TENM3: variants seen among roughly 807,000 people sequenced by gnomAD.
TENM3 encodes teneurin transmembrane protein 3, also known as teneurin-3.
TENM3 carries 63 observed loss-of-function variants against 255.1 expected under a neutral mutation model. That is an observed-to-expected ratio of 0.25 (90% CI 0.20 to 0.30). The LOEUF (loss-of-function observed/expected upper bound fraction) is 0.30, where lower values mean the gene tolerates loss of function less well. TENM3 is among the 10% of genes least tolerant of loss of function. The pLI is 1.00. For synonymous variants in TENM3, 1,306 were observed against 1,322.3 expected, an observed-to-expected ratio of 0.99 and a Z score of 0.27; for missense variants, 2,929 against 3,461.1, an observed-to-expected ratio of 0.85 and a Z score of 3.86.
the TENM3 span, among the ~76,000 whole-genome samples, chr4:181,677,337 G>C: frequency 1.4e-4 from 22 of 152,174 alleles, no homozygotes; most frequent in Non-Finnish European, 2.5e-4. Flanking sequence ...TTTAGAGTTC[G>C]TTGGTCTTCC....
the TENM3 span, among the ~76,000 whole-genome samples, chr4:181,583,399 G>C: frequency 9.8e-6 from 1 of 101,938 alleles, no homozygotes; most frequent in Non-Finnish European, 2.3e-5. Flanking sequence ...GTAAAATATA[G>C]ATAGGGTGAC....
chr4:181,673,688 G>A, the TENM3 span, among the ~76,000 whole-genome samples: 104,254 of 152,022 alleles, frequency 0.69, 36,167 homozygotes, highest in African/African-American at 0.77. Flanking sequence ...TAAGAATACT[G>A]ATAAAATAAA....
At chr4:181,657,388 A>G in the TENM3 span, among the ~76,000 whole-genome samples, 1 of 152,342 alleles carries the variant, frequency 6.6e-6, no homozygotes, top group African/African-American at 2.4e-5. Context: ...AAAAGAAGAC[A>G]TACAAGTGGC....
At chr4:182,335,790 TA>T (rs1764098950) in intron 2 of TENM3, among the ~76,000 whole-genome samples, 1 of 152,184 alleles carries the variant, frequency 6.6e-6, no homozygotes, top group Non-Finnish European at 1.5e-5. Flanking sequence ...ATGACATATA[TA>T]ATGTCTATAT....
the TENM3 span, among the ~76,000 whole-genome samples, chr4:182,119,840 T>G: frequency 1.3e-5 from 2 of 152,022 alleles, no homozygotes; most frequent in African/African-American, 4.8e-5. Flanking sequence ...TAACTGGGAC[T>G]ACAAGTACAT....
the TENM3 span, among the ~76,000 whole-genome samples, chr4:181,783,868 T>G: frequency 1.3e-5 from 2 of 151,956 alleles, no homozygotes; most frequent in Non-Finnish European, 2.9e-5. Flanking sequence ...CTCAGCTAAA[T>G]TTTTTACTTT....
chr4:182,691,566 G>T (rs1456209811), intron 12 of TENM3, among the ~76,000 whole-genome samples: 1 of 152,098 alleles, frequency 6.6e-6, no homozygotes, highest in Non-Finnish European at 1.5e-5. Flanking sequence ...GTTCTATTCT[G>T]ATATTTTTAT....
At chr4:182,684,992 T>G (rs1334247271) in intron 11 of TENM3, among the ~76,000 whole-genome samples, 1 of 152,184 alleles carries the variant, frequency 6.6e-6, no homozygotes, top group African/African-American at 2.4e-5. Context: ...TGAGTCAGTA[T>G]CAGCATGACA....
intron 5 of TENM3, among the ~76,000 whole-genome samples, chr4:182,647,592 G>A (rs1358811745): frequency 2.6e-5 from 4 of 152,192 alleles, no homozygotes; most frequent in African/African-American, 7.2e-5. Context: ...TCCATTGTGT[G>A]TATATACCAC....
At chr4:181,657,558 C>A in the TENM3 span, among the ~76,000 whole-genome samples, 2 of 152,162 alleles carry the variant, frequency 1.3e-5, no homozygotes, top group South Asian at 4.1e-4. Context: ...TGAATTAGTT[C>A]GGCCACTGCA....
chr4:181,935,134 A>T, the TENM3 span, among the ~76,000 whole-genome samples: 3 of 152,248 alleles, frequency 2.0e-5, no homozygotes, highest in African/African-American at 7.2e-5. Flanking sequence ...AATTTTCAAG[A>T]TATGCAAAAT....
the TENM3 span, among the ~76,000 whole-genome samples, chr4:181,790,790 G>A: frequency 6.6e-6 from 1 of 152,172 alleles, no homozygotes; most frequent in African/African-American, 2.4e-5. Context: ...CTTACGGAGA[G>A]AGGAAATGGA....
the TENM3 span, among the ~76,000 whole-genome samples, chr4:181,891,990 C>T: frequency 6.6e-6 from 1 of 152,130 alleles, no homozygotes; most frequent in Non-Finnish European, 1.5e-5. Context: ...TACCCTTTGA[C>T]GTTCTGCCAT....
intron 3 of TENM3, among the ~76,000 whole-genome samples, chr4:182,452,844 T>C (rs1773578815): frequency 6.6e-6 from 1 of 152,172 alleles, no homozygotes; most frequent in African/African-American, 2.4e-5. Context: ...GTTGTATAAC[T>C]CTTGTTGGAG....
At position 182,324,503 on chromosome 4, in the gene TENM3, T is replaced by A. The variant is rs143685167; in HGVS notation, c.232+251T>A. On this transcript the variant is annotated intron_variant, in intron 2 of 27. Transcript: ENST00000511685. ...GAAGCCTCACCTGCTATACGTGAGG[T>A]TTATGATTCTGCACGTGGCCCAAGC... Among the ~76,000 whole-genome samples the A allele has an allele frequency of 7.2e-4, 110 of 152,222 alleles. No individual in the cohort carries two copies. In the East Asian group the frequency reaches 0.012, roughly 16 times the overall value.
the TENM3 span, among the ~76,000 whole-genome samples, chr4:181,468,586 C>T: frequency 2.0e-4 from 31 of 152,186 alleles, no homozygotes; most frequent in Non-Finnish European, 1.6e-4. Context: ...TCGCTAGCTT[C>T]CTTTAGCGAC....
chr4:182,391,156 G>A (rs1421161639), intron 3 of TENM3, among the ~76,000 whole-genome samples: 1 of 152,026 alleles, frequency 6.6e-6, no homozygotes, highest in African/African-American at 2.4e-5. Flanking sequence ...AGCTGCCTTC[G>A]TAAGCTGTTC....
chr4:182,722,241 A>G (rs972289493), intron 13 of TENM3, among the ~76,000 whole-genome samples: 3 of 152,218 alleles, frequency 2.0e-5, no homozygotes, highest in Admixed American at 1.3e-4. Context: ...CTATTGGAGT[A>G]AAAAAGAAAT....
chr4:182,241,518 C>CTTTTCTTTTTT (rs1554036904), upstream of TENM3, among the ~76,000 whole-genome samples: 1 of 114,270 alleles, frequency 8.8e-6, no homozygotes, highest in African/African-American at 3.8e-5. Flanking sequence ...TTTTTTCTTT[C>CTTTTCTTTTTT]TTTTTTTTTT....
Sources: allele counts gnomAD v4.1 joint callset (sites outside exome capture counted in the v4.1 genomes callset), GRCh38; gene constraint gnomAD v4.1.1; transcripts MANE v1.5; gene names NCBI Gene and HGNC (gene_info 2026-07-23, HGNC 2026-07-21).